The following GOT1 variants were observed in gnomAD, a reference collection of about 807,000 sequenced individuals.
The protein encoded by GOT1 is aspartate aminotransferase, cytoplasmic.
GOT1 carries 25 observed loss-of-function variants against 48.2 expected under a neutral mutation model. The ratio of observed to expected loss-of-function variants is 0.52; its 90% CI spans 0.38 to 0.72. The LOEUF is 0.72. Ranked by LOEUF, GOT1 falls within the 30% of genes least tolerant of loss-of-function variation. The probability of loss-of-function intolerance (pLI) is 0.00; values close to 1 mark genes in which losing one functional copy is unlikely to be tolerated. For missense variants in GOT1, 380 were observed against 520.1 expected, an observed-to-expected ratio of 0.73 and a Z score of 2.62; for synonymous variants, 188 against 193.8, an observed-to-expected ratio of 0.97 and a Z score of 0.25.
At chr10:99,416,481 T>C (rs917332522) in intron 2 of GOT1, among the ~76,000 whole-genome samples, 1 of 152,306 alleles carries the variant, frequency 6.6e-6, no homozygotes, top group Admixed American at 6.5e-5. Context: ...TGCTCACGGA[T>C]AGGAAGAATC....
intron 2 of GOT1, among the ~76,000 whole-genome samples, chr10:99,410,930 G>A (rs969175563): frequency 2.0e-5 from 3 of 152,218 alleles, no homozygotes; most frequent in African/African-American, 4.8e-5. Context: ...TGTTGGACAT[G>A]TCAGCATAAG....
intron 1 of GOT1, among the ~76,000 whole-genome samples, chr10:99,427,268 T>C (rs180997737): frequency 6.6e-6 from 1 of 152,102 alleles, no homozygotes; most frequent in East Asian, 1.9e-4. Flanking sequence ...TTTATTTATT[T>C]ATTTATTTAT....
chr10:99,407,763 A>T (rs1341719303), intron 2 of GOT1, among the ~76,000 whole-genome samples: 3 of 148,636 alleles, frequency 2.0e-5, no homozygotes, highest in East Asian at 4.0e-4. Flanking sequence ...GACCTAACAT[A>T]GGCAATAATA....
intron 1 of GOT1, among the ~76,000 whole-genome samples, chr10:99,421,738 T>C (rs2032970794): frequency 6.6e-6 from 1 of 152,154 alleles, no homozygotes; most frequent in Admixed American, 6.5e-5. Context: ...CAGGGGTCAT[T>C]TGCCTCTCTG....
Position 99,397,294 on chromosome 10 carries a change from C to G in GOT1, c.*253G>C. The G allele has an allele frequency of 2.1e-6, 1 of 465,452 alleles. No homozygotes were observed. The highest frequency in any genetic ancestry group is 3.9e-6 in the Non-Finnish European group (1 of 256,988). 28.8% of individuals were successfully genotyped at this position (465,452 alleles called of 1,614,324 possible). On this transcript the variant is annotated 3_prime_UTR_variant, in exon 9 of 9. Coordinates refer to ENST00000370508, the MANE Select transcript of GOT1 (RefSeq NM_002079.3). The surrounding 1 kb of genome is among the most constrained non-coding windows in gnomAD (Gnocchi z 5.4). ...GGACAAGATACCTATGTCTCATGAT[C>G]AAAGTACTCTTTTATTCTTAAATAA...
chr10:99,405,291 T>G (rs17569447), intron 5 of GOT1, among the ~76,000 whole-genome samples: 13,549 of 152,154 alleles, frequency 0.089, 742 homozygotes, highest in African/African-American at 0.13. Context: ...TGTTACATAA[T>G]TTTTCATCAG....
intron 8 of GOT1, among the ~76,000 whole-genome samples, chr10:99,400,855 C>T (rs1292708264): frequency 2.6e-5 from 4 of 152,046 alleles, no homozygotes; most frequent in Non-Finnish European, 5.9e-5. Context: ...GCAGGAGAAT[C>T]GCTTGAATCC....
At chr10:99,409,060 A>G (rs59242131) in intron 2 of GOT1, among the ~76,000 whole-genome samples, 15,463 of 152,188 alleles carry the variant, frequency 0.1, 1,027 homozygotes, top group African/African-American at 0.17. Flanking sequence ...ACAGGGATTC[A>G]TTCTTTATAC....
At chr10:99,423,374 G>A (rs1362372458) in intron 1 of GOT1, among the ~76,000 whole-genome samples, 1 of 152,110 alleles carries the variant, frequency 6.6e-6, no homozygotes, top group African/African-American at 2.4e-5. Flanking sequence ...ATATTCATGA[G>A]TGTTTTCTTA....
At chr10:99,409,567 A>G (rs900059535) in intron 2 of GOT1, among the ~76,000 whole-genome samples, 3 of 152,218 alleles carry the variant, frequency 2.0e-5, no homozygotes, top group African/African-American at 7.2e-5. Flanking sequence ...CCTTGATACT[A>G]ACTTCCCAAG....
At chr10:99,410,046 C>A (rs2032810442) in intron 2 of GOT1, among the ~76,000 whole-genome samples, 1 of 152,202 alleles carries the variant, frequency 6.6e-6, no homozygotes, top group Non-Finnish European at 1.5e-5. Flanking sequence ...AGGCAGTGCA[C>A]TGGGGTGAAA....
intron 2 of GOT1, among the ~76,000 whole-genome samples, chr10:99,409,187 C>T (rs2032799318): frequency 6.6e-6 from 1 of 151,786 alleles, no homozygotes; most frequent in African/African-American, 2.4e-5. Context: ...GGCTGGAGTG[C>T]AGTGGCACGA....
Position 99,420,791 on chromosome 10 carries a change from C to T in GOT1, c.133G>A (p.Asp45Asn). ...NLGVGAYRTD[D>N]CHPWVLPVVK... Reference sequence around the variant, plus strand: ...ACTGGCAAAACCCAGGGATGGCAGTCATCCGTGCGATATGCTGGAGAATGG... The same window carrying T: ...ACTGGCAAAACCCAGGGATGGCAGTTATCCGTGCGATATGCTGGAGAATGG... Residue 45 changes from aspartate (D) to asparagine (N), a missense_variant, in exon 2 of 9, where the codon GAC (aspartate) becomes AAC (asparagine). Asp to Asn is a conservative substitution (Grantham distance 23). Coordinates refer to ENST00000370508, the MANE Select transcript of GOT1 (RefSeq NM_002079.3). 2 of 1,613,690 alleles carry T rather than the reference C, an allele frequency of 1.2e-6. No individual in the cohort carries two copies. Among genetic ancestry groups the T allele is most frequent in the Non-Finnish European group, 1.7e-6 (2 of 1,179,706 alleles).
At chr10:99,426,465 T>C (rs1366166298) in intron 1 of GOT1, among the ~76,000 whole-genome samples, 1 of 152,192 alleles carries the variant, frequency 6.6e-6, no homozygotes, top group Non-Finnish European at 1.5e-5. Flanking sequence ...ATAAAGCATA[T>C]TTTCCCAACT....
At position 99,397,356 on chromosome 10, in the gene GOT1, C is replaced by T. The variant is rs2032614393; in HGVS notation, c.*191G>A. ...TGCTTTGACCTCCAAAGGCTCTAAT[C>T]CCAGTCTCCAAATTCGTCTCAAGGG... On this transcript the variant is annotated 3_prime_UTR_variant, in exon 9 of 9. Coordinates refer to ENST00000370508, the MANE Select transcript of GOT1 (RefSeq NM_002079.3). This position sits in a 1 kb window ranked among gnomAD's most constrained non-coding sequence, Gnocchi z 5.4. The T allele has an allele frequency of 4.7e-6, 3 of 641,832 alleles. No homozygotes were observed. The East Asian group carries it at 7.6e-5, about 16-fold the overall frequency. The allele number at this position is 641,832 out of a possible 1,614,324, so 39.8% of individuals were successfully genotyped here. A position where few individuals can be genotyped will look rare whatever the true frequency, so the allele number is the denominator to read the frequency against.
intron 2 of GOT1, among the ~76,000 whole-genome samples, chr10:99,407,386 C>T (rs555377796): frequency 6.6e-6 from 1 of 152,216 alleles, no homozygotes; most frequent in African/African-American, 2.4e-5. Flanking sequence ...TCTAACAAAA[C>T]AGAGGTGATG....
intron 8 of GOT1, among the ~76,000 whole-genome samples, chr10:99,399,673 TGAGGTGGGTG>T (rs2032645725): frequency 2.0e-5 from 3 of 152,086 alleles, no homozygotes; most frequent in Admixed American, 2.0e-4. Flanking sequence ...CTACGAAGGC[TGAGGTGGGTG>T]GATTGCTTGG....
In GOT1 at chr10:99,403,480, G is replaced by A; in HGVS notation, c.948C>T (p.Leu316=). The A allele has an allele frequency of 6.2e-7, 1 of 1,613,024 alleles. No individual in the cohort carries two copies. The highest frequency in any genetic ancestry group is 1.7e-4 in the Middle Eastern group (1 of 6,050). Residue 316 remains leucine, a synonymous_variant, in exon 7 of 9, where the codon CTC becomes CTT. Coordinates refer to ENST00000370508, the MANE Select transcript of GOT1 (RefSeq NM_002079.3). ...TGGGAGCCCCTTACCATTCCTCAAA[G>A]AGCTCAGGGTTAGAGAGGGTGCTGG... ...IVASTLSNPE[L]FEEWTGNVKT...
At chr10:99,418,346 A>G (rs2032924094) in intron 2 of GOT1, among the ~76,000 whole-genome samples, 1 of 152,290 alleles carries the variant, frequency 6.6e-6, no homozygotes, top group African/African-American at 2.4e-5. Context: ...GCATCTGCCC[A>G]ACATAGTTAA....
Sources: gnomAD v4.1 joint callset for allele counts (sites outside exome capture counted in the v4.1 genomes callset) on GRCh38, gnomAD v4.1.1 for gene constraint, Gnocchi (gnomAD v3.1) non-coding constraint, MANE v1.5 for transcripts, NCBI Gene and HGNC (gene_info 2026-07-23, HGNC 2026-07-21) for gene names.